The following DGKI variants were observed in gnomAD, a reference collection of about 807,000 sequenced individuals.
DGKI encodes the protein diacylglycerol kinase iota.
A neutral mutation model predicts 147.5 loss-of-function variants in DGKI; 55 were observed. The observed-to-expected ratio is 0.37, with a 90% CI of 0.30 to 0.47. The LOEUF is 0.47. DGKI is among the 20% of genes least tolerant of loss of function. DGKI has a pLI of 1.00. For synonymous variants in DGKI, 469 were observed against 477.1 expected (o/e 0.98, Z 0.22); for missense variants, 1,007 against 1,323.8 (o/e 0.76, Z 3.71).
At chr7:137,550,494 T>C (rs910188943) in intron 20 of DGKI, among the ~76,000 whole-genome samples, 2 of 152,190 alleles carry the variant, frequency 1.3e-5, no homozygotes, top group African/African-American at 2.4e-5. Context: ...TATTTTTAAG[T>C]TGAGGCTGCT....
chr7:137,724,008 C>T (rs991020806), intron 1 of DGKI, among the ~76,000 whole-genome samples: 3 of 151,968 alleles, frequency 2.0e-5, no homozygotes, highest in Admixed American at 2.0e-4. Context: ...GCACCTGGCC[C>T]ATGATTTCCT....
intron 15 of DGKI, among the ~76,000 whole-genome samples, chr7:137,580,057 C>T (rs1003625087): frequency 3.9e-5 from 6 of 151,978 alleles, no homozygotes; most frequent in African/African-American, 9.7e-5. Context: ...GAAAAACTTC[C>T]GGATAAGTTA....
intron 23 of DGKI, among the ~76,000 whole-genome samples, chr7:137,484,322 A>G (rs542161146): frequency 2.6e-5 from 4 of 152,212 alleles, no homozygotes; most frequent in Non-Finnish European, 5.9e-5. Context: ...GTTAAATTGG[A>G]AATTTCAGGC....
At chr7:137,495,660 G>T (rs150037977) in intron 21 of DGKI, among the ~76,000 whole-genome samples, 159 of 151,924 alleles carry the variant, frequency 1.0e-3, no homozygotes, top group African/African-American at 3.7e-3. Flanking sequence ...CAACATACAC[G>T]AATCAATAAA....
chr7:137,638,614 A>ATATATG lies in DGKI; in HGVS notation c.804+6857_804+6858insCATATA, dbSNP rs1274456441. On this transcript the variant is annotated intron_variant, in intron 6 of 32. Coordinates refer to ENST00000614521, the MANE Select transcript of DGKI (RefSeq NM_001321708.2). Reference sequence around the variant, plus strand: ...TATATACATATATGTATATATATACACACACACATATATATGTGTGTATAT... The same window carrying ATATATG: ...TATATACATATATGTATATATATACATATATGCACACACATATATATGTGTGTATAT... Among the ~76,000 whole-genome samples the ATATATG allele has an allele frequency of 5.4e-3, 13 of 2,402 alleles. 2 individuals are homozygous for ATATATG. Among genetic ancestry groups the ATATATG allele is most frequent in the African/African-American group, 6.9e-3 (13 of 1,876 alleles). The allele number at this position is 2,402 out of a possible 152,430, so 1.6% of individuals were successfully genotyped here.
chr7:137,824,515 CAA>C (rs532349887), intron 1 of DGKI, among the ~76,000 whole-genome samples: 6 of 56,526 alleles, frequency 1.1e-4, no homozygotes, highest in Admixed American at 1.8e-4. Context: ...GACTCCATCT[CAA>C]AAAAAAAAAA....
chr7:137,575,338 G>A (rs1253107977), intron 17 of DGKI, among the ~76,000 whole-genome samples: 1 of 152,094 alleles, frequency 6.6e-6, no homozygotes. Flanking sequence ...CTCTCTGCAA[G>A]CATCTTTTAG....
chr7:137,473,246 C>T (rs1196181035), intron 23 of DGKI, among the ~76,000 whole-genome samples: 2 of 152,132 alleles, frequency 1.3e-5, no homozygotes, highest in Non-Finnish European at 2.9e-5. Context: ...GTTTGATCTA[C>T]AGAAACATCT....
intron 21 of DGKI, among the ~76,000 whole-genome samples, chr7:137,493,585 A>T (rs1177435060): frequency 6.6e-6 from 1 of 152,180 alleles, no homozygotes; most frequent in Non-Finnish European, 1.5e-5. Context: ...AATATTCCAG[A>T]AATGAAGCCA....
chr7:137,556,858 T>C (rs1023224197), intron 19 of DGKI, among the ~76,000 whole-genome samples: 3 of 152,212 alleles, frequency 2.0e-5, no homozygotes, highest in Non-Finnish European at 2.9e-5. Context: ...AGTAACCAGA[T>C]ATTTGGTCAA....
intron 5 of DGKI, among the ~76,000 whole-genome samples, chr7:137,651,646 G>A (rs1388994027): frequency 1.3e-5 from 2 of 152,172 alleles, no homozygotes; most frequent in Non-Finnish European, 2.9e-5. Context: ...CATGAGACTG[G>A]ATAAGCTCCT....
At chr7:137,466,618 T>G (rs1814671768) in intron 25 of DGKI, among the ~76,000 whole-genome samples, 1 of 151,922 alleles carries the variant, frequency 6.6e-6, no homozygotes, top group Non-Finnish European at 1.5e-5. Flanking sequence ...TAAAAAGGAG[T>G]AAAAATATCT....
At chr7:137,576,619 A>T (rs992979990) in intron 17 of DGKI, among the ~76,000 whole-genome samples, 9 of 152,164 alleles carry the variant, frequency 5.9e-5, no homozygotes, top group African/African-American at 1.9e-4. Context: ...GCCCCCAAGC[A>T]GTATATTTCC....
chr7:137,740,210 G>A (rs929995762), intron 1 of DGKI, among the ~76,000 whole-genome samples: 4 of 152,122 alleles, frequency 2.6e-5, no homozygotes, highest in African/African-American at 9.7e-5. Context: ...CACATTCTTG[G>A]GAATAAGTTT....
At position 137,391,679 on chromosome 7, in the gene DGKI, C is replaced by T. The variant is rs1245946509; in HGVS notation, c.3058-343G>A. 1.1e-4 allele frequency among the ~76,000 whole-genome samples: 17 copies of T among 152,068 alleles called. 1 individual carries two copies. Among genetic ancestry groups the T allele is most frequent in the Admixed American group, 1.1e-3 (17 of 15,262 alleles). On this transcript the variant is annotated intron_variant, in intron 32 of 32. Transcript: ENST00000614521. ...CAGTGGGGTAAAGCGAGTTTTGAAACCCAGAGCCTTTCTGGAAGATGGGGA... is the reference window on the plus strand; with the variant it reads ...CAGTGGGGTAAAGCGAGTTTTGAAATCCAGAGCCTTTCTGGAAGATGGGGA...
At position 137,545,839 on chromosome 7, in the gene DGKI, T is replaced by A. The variant is rs548153518; in HGVS notation, c.2147+6530A>T. 1.2e-5 allele frequency: 8 copies of A among 681,404 alleles called. No individual in the cohort carries two copies. The African/African-American group carries it at 1.2e-4, about 10-fold the overall frequency. 42.2% of individuals were successfully genotyped at this position (681,404 alleles called of 1,614,324 possible). A position where few individuals can be genotyped will look rare whatever the true frequency, so the allele number is the denominator to read the frequency against. On this transcript the variant is annotated intron_variant, in intron 20 of 32. Transcript: ENST00000614521. Reference sequence around the variant, plus strand: ...CTGTGAAGGCAAGGGACACAGGTAGTCCAACCCTGAGGAGACGAGGCTGGG... The same window carrying A: ...CTGTGAAGGCAAGGGACACAGGTAGACCAACCCTGAGGAGACGAGGCTGGG...
chr7:137,743,841 G>A (rs2113425), intron 1 of DGKI, among the ~76,000 whole-genome samples: 31,816 of 151,768 alleles, frequency 0.21, 5,767 homozygotes, highest in African/African-American at 0.48. Context: ...AAATTAGCTG[G>A]GCGTGGTGGC....
chr7:137,667,139 G>A (rs571939345), intron 3 of DGKI, among the ~76,000 whole-genome samples: 6 of 151,948 alleles, frequency 3.9e-5, no homozygotes, highest in Non-Finnish European at 7.4e-5. Flanking sequence ...TATTATTTGT[G>A]CCAGCAGGTC....
Position 137,699,118 on chromosome 7 carries a change from C to G in DGKI, c.402-9116G>C, listed in dbSNP as rs1823891029. 2.6e-5 allele frequency among the ~76,000 whole-genome samples: 4 copies of G among 152,298 alleles called. No individual in the cohort carries two copies. The South Asian group carries it at 8.3e-4, about 32-fold the overall frequency. On this transcript the variant is annotated intron_variant, in intron 1 of 32. Transcript: ENST00000614521. ...TCAATGTCCGGTGAGGGTCTACTTC[C>G]TGGTCATAGAAGGTGTCATTTCACT...
Sources: allele counts gnomAD v4.1 joint callset (sites outside exome capture counted in the v4.1 genomes callset), GRCh38; gene constraint gnomAD v4.1.1; transcripts MANE v1.5; gene names NCBI Gene and HGNC (gene_info 2026-07-23, HGNC 2026-07-21).